Variants in SDK1 observed in about 807,000 individuals in gnomAD.
SDK1 encodes the protein protein sidekick-1.
A neutral mutation model predicts 245.5 loss-of-function variants in SDK1; 157 were observed. The observed-to-expected ratio is 0.64, with a 90% CI of 0.56 to 0.73. The LOEUF (loss-of-function observed/expected upper bound fraction) is 0.73, where lower values mean the gene tolerates loss of function less well. Among genes scored for constraint, SDK1 ranks in the 30% least tolerant of loss-of-function variants. SDK1 has a pLI of 0.00. For synonymous variants in SDK1, 1,647 were observed against 1,278.5 expected (o/e 1.29, Z -6.15); for missense variants, 3,583 against 3,002.3 (o/e 1.19, Z -4.52).
chr7:4,157,671 C>G (rs1780853136), intron 30 of SDK1, among the ~76,000 whole-genome samples: 1 of 152,134 alleles, frequency 6.6e-6, no homozygotes. Flanking sequence ...GGGATGTGGT[C>G]TTTTGTAAAG....
At chr7:3,429,615 T>C (rs1402566503) in intron 1 of SDK1, among the ~76,000 whole-genome samples, 1 of 151,948 alleles carries the variant, frequency 6.6e-6, no homozygotes, top group Non-Finnish European at 1.5e-5. Flanking sequence ...TTTTTTTTTT[T>C]TGTCAGGGTC....
At chr7:3,782,441 A>G (rs969361112) in intron 4 of SDK1, among the ~76,000 whole-genome samples, 2 of 152,226 alleles carry the variant, frequency 1.3e-5, no homozygotes, top group African/African-American at 4.8e-5. Context: ...ATAAATGTGA[A>G]ATCATATCAA....
intron 16 of SDK1, among the ~76,000 whole-genome samples, chr7:4,016,184 A>T (rs767329632): frequency 2.0e-5 from 3 of 152,264 alleles, no homozygotes; most frequent in Non-Finnish European, 2.9e-5. Flanking sequence ...GAGCTCAGAG[A>T]TCAGCGTCCT....
At chr7:3,421,382 C>T (rs1419810437) in intron 1 of SDK1, among the ~76,000 whole-genome samples, 1 of 152,068 alleles carries the variant, frequency 6.6e-6, no homozygotes, top group Non-Finnish European at 1.5e-5. Context: ...GGCCTGCACT[C>T]TCACTTCTAG....
At chr7:3,883,764 G>T (rs189271129) in intron 5 of SDK1, among the ~76,000 whole-genome samples, 188 of 131,982 alleles carry the variant, frequency 1.4e-3, no homozygotes, top group South Asian at 2.4e-3. Context: ...GGTGGTTCTT[G>T]AATACAGTCC....
intron 1 of SDK1, among the ~76,000 whole-genome samples, chr7:3,473,280 C>G (rs1781240790): frequency 6.6e-6 from 1 of 152,164 alleles, no homozygotes; most frequent in Non-Finnish European, 1.5e-5. Context: ...AAGGCTGGTT[C>G]CACCCCAAAT....
intron 7 of SDK1, among the ~76,000 whole-genome samples, chr7:3,953,690 TA>T (rs1781011217): frequency 6.6e-6 from 1 of 152,248 alleles, no homozygotes; most frequent in African/African-American, 2.4e-5. Flanking sequence ...CATTCCTTTT[TA>T]AAATATTTAA....
intron 17 of SDK1, among the ~76,000 whole-genome samples, chr7:4,037,173 A>C (rs892458176): frequency 6.6e-6 from 1 of 152,256 alleles, no homozygotes; most frequent in Non-Finnish European, 1.5e-5. Flanking sequence ...CTTTTGAATA[A>C]TATTGTTTGA....
chr7:3,806,372 G>A (rs913311903), intron 4 of SDK1, among the ~76,000 whole-genome samples: 2 of 111,430 alleles, frequency 1.8e-5, no homozygotes, highest in Admixed American at 7.9e-5. Context: ...GGATGTGGAT[G>A]TCCACATTAG....
At chr7:4,129,094 G>T (rs1339574289) in intron 26 of SDK1, among the ~76,000 whole-genome samples, 3 of 132,844 alleles carry the variant, frequency 2.3e-5, no homozygotes, top group Non-Finnish European at 1.6e-5. Context: ...AGCTTGGGGT[G>T]GGGTGCCCTG....
At chr7:3,360,406 C>T (rs2128560493) in intron 1 of SDK1, among the ~76,000 whole-genome samples, 1 of 152,322 alleles carries the variant, frequency 6.6e-6, no homozygotes, top group Admixed American at 6.5e-5. Context: ...AACAGAACAT[C>T]ATTATGCAAA....
intron 13 of SDK1, among the ~76,000 whole-genome samples, chr7:3,977,531 G>A (rs1783046218): frequency 6.6e-6 from 1 of 152,228 alleles, no homozygotes; most frequent in Admixed American, 6.5e-5. Flanking sequence ...TGCCCTTCAT[G>A]AGCCCCAGCC....
At chr7:3,886,465 C>T (rs145974322) in intron 5 of SDK1, among the ~76,000 whole-genome samples, 547 of 152,360 alleles carry the variant, frequency 3.6e-3, no homozygotes, top group Non-Finnish European at 6.3e-3. Flanking sequence ...AAGTAGCTTG[C>T]CTCCAGTAAC....
At chr7:3,476,487 G>C (rs982287607) in intron 1 of SDK1, among the ~76,000 whole-genome samples, 2 of 152,052 alleles carry the variant, frequency 1.3e-5, no homozygotes, top group African/African-American at 4.8e-5. Flanking sequence ...CATTTCTGCC[G>C]AATGATACAA....
At chr7:3,970,129 T>C (rs1782375334) in intron 11 of SDK1, among the ~76,000 whole-genome samples, 1 of 152,230 alleles carries the variant, frequency 6.6e-6, no homozygotes. Flanking sequence ...CAATCTGTAC[T>C]ACTAAAAACT....
At chr7:3,418,792 A>G (rs1486730084) in intron 1 of SDK1, among the ~76,000 whole-genome samples, 1 of 152,180 alleles carries the variant, frequency 6.6e-6, no homozygotes, top group Non-Finnish European at 1.5e-5. Context: ...CAAGTTGACT[A>G]TTCTCAGCAC....
chr7:3,993,411 G>A (rs1784488459), intron 14 of SDK1, among the ~76,000 whole-genome samples: 1 of 151,996 alleles, frequency 6.6e-6, no homozygotes, highest in Admixed American at 6.6e-5. Context: ...AATGCTTGCA[G>A]GTAACAAACA....
chr7:4,077,257 G>T, intron 21 of SDK1, 68 bp downstream of exon 21: 1 of 1,478,922 alleles, frequency 6.8e-7, no homozygotes, highest in Non-Finnish European at 9.2e-7. Context: ...GCTAGAAGTT[G>T]ATTGGCACTT....
intron 5 of SDK1, among the ~76,000 whole-genome samples, chr7:3,942,575 CGT>C (rs763368734): frequency 1.3e-5 from 2 of 148,168 alleles, no homozygotes; most frequent in East Asian, 1.9e-4. Context: ...GGTCTTTTTC[CGT>C]GTGTGTGTGT....
Sources: allele counts gnomAD v4.1 joint callset (sites outside exome capture counted in the v4.1 genomes callset), GRCh38; gene constraint gnomAD v4.1.1; transcripts MANE v1.5; gene names NCBI Gene and HGNC (gene_info 2026-07-23, HGNC 2026-07-21).